DSE: variants seen among roughly 807,000 people sequenced by gnomAD.
DSE encodes dermatan-sulfate epimerase.
In DSE, 36 loss-of-function variants were observed where a neutral mutation model predicts 84.4. That is an observed-to-expected ratio of 0.43 (90% CI 0.33 to 0.56). The LOEUF is 0.56. Ranked by LOEUF, DSE falls within the 20% of genes least tolerant of loss-of-function variation. DSE has a pLI of 0.06. For synonymous variants in DSE, 410 were observed against 430.1 expected, an observed-to-expected ratio of 0.95 and a Z score of 0.58; for missense variants, 862 against 1,169.6, an observed-to-expected ratio of 0.74 and a Z score of 3.84.
At position 116,441,894 on chromosome 6, in the gene DSE, G is replaced by A. The variant is rs1784439338; in HGVS notation, c.*4549G>A. 2 of 152,130 alleles carry A rather than the reference G, an allele frequency of 1.3e-5. No homozygotes were observed. Among genetic ancestry groups the A allele is most frequent in the Non-Finnish European group, 1.5e-5 (1 of 68,034 alleles). 9.4% of individuals were successfully genotyped at this position (152,130 alleles called of 1,614,324 possible). A position where few individuals can be genotyped will look rare whatever the true frequency, so the allele number is the denominator to read the frequency against. On this transcript the variant is annotated 3_prime_UTR_variant, in exon 6 of 6. Coordinates refer to ENST00000644252, the MANE Select transcript of DSE (RefSeq NM_013352.4). ...GAACTGAAGATATGGTAGAGAATAG[G>A]AATAATAAAAGCTGGCCCTTGTATA...
At chr6:116,404,377 C>G (rs981079881) in intron 2 of DSE, among the ~76,000 whole-genome samples, 1 of 152,208 alleles carries the variant, frequency 6.6e-6, no homozygotes, top group South Asian at 2.1e-4. Context: ...TGTTCAAGCC[C>G]TGGTTGATAA....
chr6:116,338,308 T>A (rs561490184), intron 2 of DSE, among the ~76,000 whole-genome samples: 1 of 146,980 alleles, frequency 6.8e-6, no homozygotes, highest in African/African-American at 2.5e-5. Context: ...CTGCAACCTC[T>A]GCCTCCCGGG....
intron 2 of DSE, among the ~76,000 whole-genome samples, chr6:116,363,332 A>G (rs1439650057): frequency 6.6e-6 from 1 of 151,846 alleles, no homozygotes; most frequent in Non-Finnish European, 1.5e-5. Context: ...GACTGATCAG[A>G]AAGTGAGATT....
intron 2 of DSE, among the ~76,000 whole-genome samples, chr6:116,403,040 C>T (rs534812331): frequency 5.3e-5 from 8 of 152,208 alleles, no homozygotes; most frequent in Non-Finnish European, 7.4e-5. Context: ...CAAAGTAGAA[C>T]GGGAATCTCA....
intron 1 of DSE, among the ~76,000 whole-genome samples, chr6:116,397,850 A>T (rs1007875993): frequency 1.3e-5 from 2 of 152,232 alleles, no homozygotes; most frequent in African/African-American, 4.8e-5. Flanking sequence ...CGAGTTTCAT[A>T]TATAGGTAGA....
chr6:116,365,914 T>G (rs1002226246), upstream of DSE, among the ~76,000 whole-genome samples: 4 of 152,146 alleles, frequency 2.6e-5, no homozygotes, highest in African/African-American at 9.7e-5. Context: ...TTCTGAGAGG[T>G]AGGGTATCAC....
At chr6:116,393,889 A>G (rs1435692471) in intron 1 of DSE, among the ~76,000 whole-genome samples, 4 of 152,242 alleles carry the variant, frequency 2.6e-5, no homozygotes, top group Non-Finnish European at 5.9e-5. Context: ...TTCATTCTAT[A>G]AACAGTCCCA....
chr6:116,352,107 A>C (rs1778343353), intron 2 of DSE, among the ~76,000 whole-genome samples: 1 of 149,182 alleles, frequency 6.7e-6, no homozygotes, highest in South Asian at 2.2e-4. Context: ...GTTAGTTAAT[A>C]TCTCTGAACC....
At chr6:116,322,391 T>C (rs924220845) in intron 2 of DSE, among the ~76,000 whole-genome samples, 4 of 152,060 alleles carry the variant, frequency 2.6e-5, no homozygotes, top group East Asian at 3.9e-4. Context: ...CCTCCCTTAA[T>C]AGAATAAGTG....
Position 116,436,841 on chromosome 6 carries a change from C to A in DSE, c.2373C>A (p.Asp791Glu). The A allele has an allele frequency of 1.9e-6, 3 of 1,614,110 alleles. No homozygotes were observed. Among genetic ancestry groups the A allele is most frequent in the Non-Finnish European group, 1.7e-6 (2 of 1,180,014 alleles). ...SDKRQTEEAI[D>E]RIFAISQQQQ... Reference sequence around the variant, plus strand: ...AGAGACAGACTGAGGAGGCCATTGACAGGATTTTTGCCATATCACAGCAAC... The same window carrying A: ...AGAGACAGACTGAGGAGGCCATTGAAAGGATTTTTGCCATATCACAGCAAC... Residue 791 changes from aspartate to glutamate, a missense_variant, in exon 6 of 6, where the codon GAC becomes GAA. Asp to Glu is a conservative substitution (Grantham distance 45). Around this residue, in one of 4 missense-constraint regions of DSE, gnomAD observed 315 missense variants for 348.1 expected, o/e 0.90. Coordinates refer to ENST00000644252, the MANE Select transcript of DSE (RefSeq NM_013352.4).
chr6:116,437,355 T>C lies in DSE; in HGVS notation c.*10T>C. 1 of 1,562,380 alleles carries C rather than the reference T, an allele frequency of 6.4e-7. No homozygotes were observed. The highest frequency in any genetic ancestry group is 8.6e-7 in the Non-Finnish European group (1 of 1,156,876). ...CCAATCACAGTGTTAGCACTGAAGC[T>C]ATAAATTACCTGGTCATTTTGTGAT... On this transcript the variant is annotated 3_prime_UTR_variant, in exon 6 of 6. Transcript: ENST00000644252.
At chr6:116,325,131 A>G (rs1308233655) in intron 2 of DSE, among the ~76,000 whole-genome samples, 1 of 152,232 alleles carries the variant, frequency 6.6e-6, no homozygotes, top group Non-Finnish European at 1.5e-5. Flanking sequence ...TGGTGGCATC[A>G]TAGGAGTCCT....
At chr6:116,357,731 G>T (rs1417515407) in intron 2 of DSE, among the ~76,000 whole-genome samples, 1 of 152,058 alleles carries the variant, frequency 6.6e-6, no homozygotes, top group African/African-American at 2.4e-5. Context: ...GCTCTGAAGG[G>T]TGCAAAGGAT....
At chr6:116,305,636 T>G (rs1775298680) in intron 2 of DSE, among the ~76,000 whole-genome samples, 1 of 152,134 alleles carries the variant, frequency 6.6e-6, no homozygotes, top group Non-Finnish European at 1.5e-5. Flanking sequence ...AGTATCCTTT[T>G]TTTTGTTTTT....
chr6:116,426,598 T>C lies in DSE; in HGVS notation c.441T>C (p.Asp147=). 1 of 1,613,794 alleles carries C rather than the reference T, an allele frequency of 6.2e-7. No individual in the cohort carries two copies. Among genetic ancestry groups the C allele is most frequent in the Non-Finnish European group, 8.5e-7 (1 of 1,179,698 alleles). ...PSWLVKDAPW[D]EVPLAHSLVG... ...GGTTGGTGAAAGATGCTCCTTGGGATGAGGTCCCGCTTGCTCACTCCCTGG... is the reference window on the plus strand; with the variant it reads ...GGTTGGTGAAAGATGCTCCTTGGGACGAGGTCCCGCTTGCTCACTCCCTGG... The change falls in exon 3 of 6, where the codon GAT becomes GAC. Residue 147 remains aspartate (D), a synonymous_variant. Transcript: ENST00000644252.
chr6:116,332,623 T>C (rs1346154691), intron 2 of DSE, among the ~76,000 whole-genome samples: 1 of 152,006 alleles, frequency 6.6e-6, no homozygotes, highest in Non-Finnish European at 1.5e-5. Context: ...AAAAGACACA[T>C]TTGAAATAAA....
intron 2 of DSE, among the ~76,000 whole-genome samples, chr6:116,332,934 C>A (rs1188376864): frequency 1.3e-5 from 2 of 152,110 alleles, no homozygotes; most frequent in African/African-American, 4.8e-5. Flanking sequence ...TCTTTGATTT[C>A]TTTAGTAATC....
rs878925452 is a variant in DSE, at chr6:116,259,117, G to C, written c.-54+150G>C. 14 of 1,405,900 alleles carry C rather than the reference G, an allele frequency of 1.0e-5. No individual in the cohort carries two copies. The Admixed American group carries it at 1.6e-4, about 16-fold the overall frequency. The allele number at this position is 1,405,900 out of a possible 1,614,324, so 87.1% of individuals were successfully genotyped here. ...TGCTGCTGTCTCCCACTCAGTCATC[G>C]TGAGAACACAGCCTGAGTGTCTCTG... On this transcript the variant is annotated intron_variant, in intron 2 of 3. Coordinates refer to the DSE transcript ENST00000430252.
At chr6:116,341,779 G>A (rs1033020132) in intron 2 of DSE, among the ~76,000 whole-genome samples, 4 of 152,112 alleles carry the variant, frequency 2.6e-5, no homozygotes, top group African/African-American at 9.7e-5. Context: ...TTTTTGTCAG[G>A]TTTGTCAAAG....
Sources: allele counts gnomAD v4.1 joint callset (sites outside exome capture counted in the v4.1 genomes callset), GRCh38; gene constraint gnomAD v4.1.1; regional missense constraint gnomAD v4.1.1; transcripts MANE v1.5; gene names NCBI Gene and HGNC (gene_info 2026-07-23, HGNC 2026-07-21).